Variants in MGAT4C observed in about 807,000 individuals in gnomAD.
MGAT4C encodes the protein alpha-1,3-mannosyl-glycoprotein 4-beta-N-acetylglucosaminyltransferase C.
In MGAT4C, 19 loss-of-function variants were observed where a neutral mutation model predicts 40.1. The ratio of observed to expected loss-of-function variants is 0.47; its 90% CI spans 0.33 to 0.70. The LOEUF is 0.70. Among genes scored for constraint, MGAT4C ranks in the 30% least tolerant of loss-of-function variants. The probability of loss-of-function intolerance (pLI) is 0.02; values close to 1 mark genes in which losing one functional copy is unlikely to be tolerated. For missense variants in MGAT4C, 491 were observed against 563.2 expected (o/e 0.87, Z 1.30); for synonymous variants, 181 against 187.1 (o/e 0.97, Z 0.27).
At chr12:86,500,552 C>A (rs189828337) in intron 2 of MGAT4C, among the ~76,000 whole-genome samples, 1 of 151,684 alleles carries the variant, frequency 6.6e-6, no homozygotes, top group African/African-American at 2.4e-5. Context: ...TAGAAATAAT[C>A]CTTTATTTAT....
At chr12:86,667,805 C>T (rs1489494196) in intron 2 of MGAT4C, among the ~76,000 whole-genome samples, 1 of 152,120 alleles carries the variant, frequency 6.6e-6, no homozygotes, top group Non-Finnish European at 1.5e-5. Flanking sequence ...GTTGGACAAA[C>T]AATATATGAG....
intron 1 of MGAT4C, among the ~76,000 whole-genome samples, chr12:86,069,902 G>GT (rs1355045403): frequency 6.6e-6 from 1 of 151,938 alleles, no homozygotes; most frequent in African/African-American, 2.4e-5. Flanking sequence ...AGATAATCAA[G>GT]TTTTTCTACA....
At chr12:86,135,688 T>G (rs1881845341) in intron 1 of MGAT4C, among the ~76,000 whole-genome samples, 1 of 152,216 alleles carries the variant, frequency 6.6e-6, no homozygotes, top group Non-Finnish European at 1.5e-5. Flanking sequence ...CTAAACTACA[T>G]GCTTTCCTGT....
intron 1 of MGAT4C, among the ~76,000 whole-genome samples, chr12:86,253,388 G>A (rs997016278): frequency 2.6e-5 from 4 of 151,724 alleles, no homozygotes; most frequent in Admixed American, 2.6e-4. Flanking sequence ...TTGATTTGGG[G>A]CACTGAAATT....
intron 1 of MGAT4C, among the ~76,000 whole-genome samples, chr12:86,731,306 C>T (rs879617331): frequency 6.6e-6 from 1 of 152,024 alleles, no homozygotes; most frequent in Admixed American, 6.6e-5. Flanking sequence ...ATTGCAATTG[C>T]ATCTCCCTTG....
chr12:86,426,086 A>AT (rs1188885868), intron 3 of MGAT4C, among the ~76,000 whole-genome samples: 1 of 152,204 alleles, frequency 6.6e-6, no homozygotes, highest in Admixed American at 6.5e-5. Context: ...ATTTCACTTA[A>AT]TAACTGTATT....
chr12:86,684,592 T>A (rs1950038847), intron 2 of MGAT4C, among the ~76,000 whole-genome samples: 1 of 152,216 alleles, frequency 6.6e-6, no homozygotes, highest in African/African-American at 2.4e-5. Flanking sequence ...TTGTAGATCC[T>A]TGAGGAATTG....
In MGAT4C at chr12:86,174,120, CACAT is replaced by C. The variant is rs1555238505; in HGVS notation, c.-57+82115_-57+82118del. On this transcript the variant is annotated intron_variant, in intron 1 of 4. Coordinates refer to ENST00000611864, the MANE Select transcript of MGAT4C (RefSeq NM_001351288.2). ...ATTCTTACCAAAAAAGACACACACA[CACAT>C]ACACACACACACACACACACACACA... Among the ~76,000 whole-genome samples the C allele has an allele frequency of 8.8e-3, 664 of 75,318 alleles. 1 individual carries two copies. The highest frequency in any genetic ancestry group is 0.019 in the Middle Eastern group (3 of 154). 49.4% of individuals were successfully genotyped at this position (75,318 alleles called of 152,430 possible). A position where few individuals can be genotyped will look rare whatever the true frequency, so the allele number is the denominator to read the frequency against.
intron 3 of MGAT4C, among the ~76,000 whole-genome samples, chr12:86,407,095 G>A (rs979778362): frequency 6.6e-6 from 1 of 152,052 alleles, no homozygotes; most frequent in Admixed American, 6.6e-5. Context: ...GCAGAACTCA[G>A]GGACACATTT....
At chr12:86,538,696 C>T (rs1009101365) in intron 2 of MGAT4C, among the ~76,000 whole-genome samples, 4 of 151,732 alleles carry the variant, frequency 2.6e-5, no homozygotes, top group Non-Finnish European at 5.9e-5. Flanking sequence ...CAAGCTCCAC[C>T]TCCCAGGTTC....
intron 1 of MGAT4C, among the ~76,000 whole-genome samples, chr12:86,821,508 T>C (rs1952706305): frequency 6.6e-6 from 1 of 150,884 alleles, no homozygotes; most frequent in South Asian, 2.1e-4. Context: ...GTTAGGAACA[T>C]TTTAATTCCA....
chr12:86,178,030 G>A (rs1263887442), intron 1 of MGAT4C, among the ~76,000 whole-genome samples: 3 of 152,060 alleles, frequency 2.0e-5, no homozygotes, highest in East Asian at 1.9e-4. Context: ...TCCGCCTCCT[G>A]GGTTCACACC....
At chr12:86,113,507 T>A (rs1877821386) in intron 1 of MGAT4C, among the ~76,000 whole-genome samples, 1 of 151,064 alleles carries the variant, frequency 6.6e-6, no homozygotes, top group Admixed American at 6.6e-5. Context: ...TATTACAGAA[T>A]AAAAAAATTA....
At chr12:86,800,713 A>G (rs1952210210) in intron 1 of MGAT4C, among the ~76,000 whole-genome samples, 1 of 151,898 alleles carries the variant, frequency 6.6e-6, no homozygotes, top group South Asian at 2.1e-4. Flanking sequence ...GGAAAGTGCC[A>G]TTGTAAGAGA....
At position 86,124,121 on chromosome 12, in the gene MGAT4C, T is replaced by C. The variant is rs117637424; in HGVS notation, c.-56-74398A>G. ...TTTTTCAAAGATAACACGGACTGTA[T>C]ACACTTCAAAATTATGAGTTAATTT... On this transcript the variant is annotated intron_variant, in intron 1 of 4. Coordinates refer to ENST00000611864, the MANE Select transcript of MGAT4C (RefSeq NM_001351288.2). Among the ~76,000 whole-genome samples the C allele has an allele frequency of 1.4e-3, 212 of 152,248 alleles. 1 individual carries two copies. The highest frequency in any genetic ancestry group is 3.4e-3 in the Middle Eastern group (1 of 294).
intron 1 of MGAT4C, among the ~76,000 whole-genome samples, chr12:86,201,648 G>C (rs1270854696): frequency 6.6e-6 from 1 of 151,446 alleles, no homozygotes; most frequent in Non-Finnish European, 1.5e-5. Context: ...GACTATTCTA[G>C]GTCCTTTGAA....
chr12:86,185,662 C>G (rs183928381), intron 1 of MGAT4C, among the ~76,000 whole-genome samples: 1 of 152,254 alleles, frequency 6.6e-6, no homozygotes, highest in South Asian at 2.1e-4. Context: ...GACTTGAAAT[C>G]AGCAATTAAC....
rs1884865521 is a variant in MGAT4C at position 85,983,561 on chromosome 12, G to A, written c.257C>T (p.Thr86Ile). ...AGGTGTGGCAGCTAGGTAGCGATAG[G>A]TGACATTTATGGCTCCTGAGAAATT... ...LSNFSGAINVTYRYLAATPLQ... is the reference protein window; with the variant it reads ...LSNFSGAINVIYRYLAATPLQ... The change falls in exon 4 of 5, where the codon ACC (threonine) becomes ATC (isoleucine). Residue 86 changes from threonine to isoleucine, a missense_variant. Transcript: ENST00000611864. 6.3e-7 allele frequency: 1 copy of A among 1,594,816 alleles called. No individual in the cohort carries two copies. Among genetic ancestry groups the A allele is most frequent in the African/African-American group, 1.4e-5 (1 of 73,880 alleles).
intron 1 of MGAT4C, among the ~76,000 whole-genome samples, chr12:86,127,000 G>A (rs547050705): frequency 6.6e-6 from 1 of 152,288 alleles, no homozygotes; most frequent in East Asian, 1.9e-4. Flanking sequence ...CCTCACATGT[G>A]CAGTTCACAA....
Sources: allele counts gnomAD v4.1 joint callset (sites outside exome capture counted in the v4.1 genomes callset), GRCh38; gene constraint gnomAD v4.1.1; transcripts MANE v1.5; gene names NCBI Gene and HGNC (gene_info 2026-07-23, HGNC 2026-07-21).